FAM204A: variants seen among roughly 807,000 people sequenced by gnomAD.
The protein encoded by FAM204A is protein FAM204A.
Under a neutral mutation model 35.4 loss-of-function variants are expected in FAM204A, and 16 were observed. That is an observed-to-expected ratio of 0.45 (90% CI 0.31 to 0.69). FAM204A has a LOEUF of 0.69. Among genes scored for constraint, FAM204A ranks in the 30% least tolerant of loss-of-function variants. The pLI, the probability that FAM204A is intolerant of heterozygous loss-of-function variation, is 0.07. For synonymous variants in FAM204A, 76 were observed against 86.9 expected (o/e 0.88, Z 0.70); for missense variants, 240 against 265.7 (o/e 0.90, Z 0.67).
chr10:118,322,485 C>A, intron 7 of FAM204A: 1 of 422,382 alleles, frequency 2.4e-6, no homozygotes, highest in South Asian at 1.7e-5. Flanking sequence ...GGACATGCTA[C>A]AAAGTAACTG....
intron 7 of FAM204A, among the ~76,000 whole-genome samples, chr10:118,325,698 G>C (rs936363526): frequency 6.6e-6 from 1 of 152,014 alleles, no homozygotes; most frequent in Non-Finnish European, 1.5e-5. Flanking sequence ...TAGAAAAAAA[G>C]AAAAAAGACC....
At chr10:118,327,251 C>A (rs1180010204) in intron 6 of FAM204A, among the ~76,000 whole-genome samples, 1 of 152,106 alleles carries the variant, frequency 6.6e-6, no homozygotes. Context: ...TTTGAACATG[C>A]CAATCAACTG....
chr10:118,326,466 C>A lies in FAM204A; in HGVS notation c.454-223G>T, dbSNP rs145604038. On this transcript the variant is annotated intron_variant, in intron 6 of 8. Transcript: ENST00000369183. ...ACTTCTTGAACTAATAAAAATAAGA[C>A]GCAAATCCAGATTTTTGTGAATCAA... is the stretch of plus-strand genomic sequence containing the variant. The A allele has an allele frequency of 1.3e-5, 6 of 473,974 alleles. No individual in the cohort carries two copies. The East Asian group carries it at 1.5e-4, about 12-fold the overall frequency. The allele number at this position is 473,974 out of a possible 1,614,324, so 29.4% of individuals were successfully genotyped here. A position where few individuals can be genotyped will look rare whatever the true frequency, so the allele number is the denominator to read the frequency against.
rs1050232363 is a variant in FAM204A at position 118,299,714 on chromosome 10, G to A, written c.*11143C>T. ...TCTTGAGTGCTCATTCCCTAAGGCC[G>A]AGGAAAGCTTGACAATTATTGGACA... On this transcript the variant is annotated 3_prime_UTR_variant, in exon 9 of 9. Transcript: ENST00000369183. 4.6e-5 allele frequency: 7 copies of A among 152,058 alleles called. No homozygotes were observed. Among genetic ancestry groups the A allele is most frequent in the Admixed American group, 2.6e-4 (4 of 15,264 alleles). 9.4% of individuals were successfully genotyped at this position (152,058 alleles called of 1,614,324 possible). A position where few individuals can be genotyped will look rare whatever the true frequency, so the allele number is the denominator to read the frequency against.
Position 118,305,228 on chromosome 10 carries a change from T to C in FAM204A, c.*5629A>G, listed in dbSNP as rs1589715503. 1 of 152,178 alleles carries C rather than the reference T, an allele frequency of 6.6e-6. No homozygotes were observed. The highest frequency in any genetic ancestry group is 2.1e-4 in the South Asian group (1 of 4,830). The allele number at this position is 152,178 out of a possible 1,614,324, so 9.4% of individuals were successfully genotyped here. A position where few individuals can be genotyped will look rare whatever the true frequency, so the allele number is the denominator to read the frequency against. ...TTTGTCTCATGAACAAGAAATAAGCTTGTATTGTGCTTGAGTCATTATATT... is the reference window on the plus strand; with the variant it reads ...TTTGTCTCATGAACAAGAAATAAGCCTGTATTGTGCTTGAGTCATTATATT... On this transcript the variant is annotated 3_prime_UTR_variant, in exon 9 of 9. Coordinates refer to ENST00000369183, the MANE Select transcript of FAM204A (RefSeq NM_022063.3).
chr10:118,336,485 T>C (rs1288387444), intron 2 of FAM204A, 62 bp from the exon 3 acceptor site: 2 of 1,414,602 alleles, frequency 1.4e-6, no homozygotes, highest in African/African-American at 1.4e-5. Flanking sequence ...TTAAGACCAT[T>C]AGAAGACATT....
chr10:118,310,571 TTTATACCAAG>T lies in FAM204A; in HGVS notation c.*276_*285del, dbSNP rs1302749232. 2.9e-6 allele frequency: 1 copy of T among 347,440 alleles called. No individual in the cohort carries two copies. Among genetic ancestry groups the T allele is most frequent in the Non-Finnish European group, 5.1e-6 (1 of 195,290 alleles). 21.5% of individuals were successfully genotyped at this position (347,440 alleles called of 1,614,324 possible). On this transcript the variant is annotated 3_prime_UTR_variant, in exon 9 of 9. Coordinates refer to ENST00000369183, the MANE Select transcript of FAM204A (RefSeq NM_022063.3). Reference sequence around the variant, plus strand: ...ATGAATGGAAAGCGCCAAAAGTGATTTTATACCAAGGGTCCATCCATACAAATAAACAAAA... The same window carrying T: ...ATGAATGGAAAGCGCCAAAAGTGATTGGTCCATCCATACAAATAAACAAAA...
chr10:118,316,350 T>G (rs1334081268), intron 7 of FAM204A, among the ~76,000 whole-genome samples: 1 of 152,144 alleles, frequency 6.6e-6, no homozygotes, highest in Non-Finnish European at 1.5e-5. Context: ...TATTATGTGC[T>G]CTAGTAAATT....
chr10:118,335,774 C>A, intron 3 of FAM204A, 133 bp from the exon 4 acceptor site: 1 of 688,400 alleles, frequency 1.5e-6, no homozygotes, highest in Non-Finnish European at 2.4e-6. Flanking sequence ...GTAGTCAGTT[C>A]TTGAGATGCT....
intron 7 of FAM204A, 193 bp from the exon 8 acceptor site, chr10:118,311,506 C>T: frequency 1.9e-6 from 1 of 514,504 alleles, no homozygotes. Flanking sequence ...TCCCAATAGA[C>T]CCTTTACCCT....
intron 7 of FAM204A, among the ~76,000 whole-genome samples, chr10:118,323,144 G>A (rs771607370): frequency 6.6e-6 from 1 of 152,098 alleles, no homozygotes; most frequent in Non-Finnish European, 1.5e-5. Context: ...TCTTCCAAAA[G>A]GAAGACTGGA....
chr10:118,333,643 T>C (rs951207885), intron 6 of FAM204A, among the ~76,000 whole-genome samples: 1 of 152,172 alleles, frequency 6.6e-6, no homozygotes, highest in Non-Finnish European at 1.5e-5. Context: ...AGTCCTTCCT[T>C]TCCTCTTATG....
intron 7 of FAM204A, among the ~76,000 whole-genome samples, chr10:118,320,448 C>T (rs1276428989): frequency 2.6e-5 from 4 of 151,780 alleles, no homozygotes; most frequent in South Asian, 2.1e-4. Flanking sequence ...AGTACCAAAG[C>T]GTGGCATTTT....
intron 6 of FAM204A, among the ~76,000 whole-genome samples, chr10:118,331,761 A>C (rs1161644670): frequency 6.6e-6 from 1 of 151,842 alleles, no homozygotes; most frequent in African/African-American, 2.4e-5. Flanking sequence ...CAATCTCTTC[A>C]TAAAGAAAGG....
At position 118,311,197 on chromosome 10, in the gene FAM204A, G is replaced by A. The variant is rs3213691; in HGVS notation, c.650+10C>T. 780,954 of 1,598,508 alleles carry A rather than the reference G, an allele frequency of 0.49. 195,408 individuals are homozygous for A. Among genetic ancestry groups the A allele is most frequent in the Middle Eastern group, 0.55 (2,685 of 4,858 alleles). On this transcript the variant is annotated intron_variant, in intron 8 of 8. Coordinates refer to ENST00000369183, the MANE Select transcript of FAM204A (RefSeq NM_022063.3). ...GGAGATTTACTACCAAAAATCTTAA[G>A]TAAACTCACCCCCATGCAAGTTTCT...
At chr10:118,311,543 T>G (rs7913971) in intron 7 of FAM204A, 5,818 of 405,574 alleles carry the variant, frequency 0.014, 298 homozygotes, top group African/African-American at 0.11. Flanking sequence ...TGGATGGAAA[T>G]CCTTCTCAAA....
At chr10:118,331,788 G>A (rs1246456638) in intron 6 of FAM204A, among the ~76,000 whole-genome samples, 1 of 151,216 alleles carries the variant, frequency 6.6e-6, no homozygotes, top group East Asian at 1.9e-4. Flanking sequence ...AGGGGCGGAA[G>A]AGGTACTTTC....
In FAM204A at chr10:118,305,909, T is replaced by C. The variant is rs1000670612; in HGVS notation, c.*4948A>G. 5 of 152,250 alleles carry C rather than the reference T, an allele frequency of 3.3e-5. No individual in the cohort carries two copies. The highest frequency in any genetic ancestry group is 5.9e-5 in the Non-Finnish European group (4 of 68,042). 9.4% of individuals were successfully genotyped at this position (152,250 alleles called of 1,614,324 possible). On this transcript the variant is annotated 3_prime_UTR_variant, in exon 9 of 9. Transcript: ENST00000369183. ...CCATCTTACAAATGAAAACACTTTT[T>C]ATTGTGGGCAGTCATAATTGTATGC...
chr10:118,331,093 G>T (rs1846282012), intron 6 of FAM204A, among the ~76,000 whole-genome samples: 1 of 152,080 alleles, frequency 6.6e-6, no homozygotes. Flanking sequence ...TCTCTATAAG[G>T]CTACAGACTG....
Sources: allele counts gnomAD v4.1 joint callset (sites outside exome capture counted in the v4.1 genomes callset), GRCh38; gene constraint gnomAD v4.1.1; transcripts MANE v1.5; gene names NCBI Gene and HGNC (gene_info 2026-07-23, HGNC 2026-07-21).